Variants in E2F5 observed in about 807,000 individuals in gnomAD.
E2F5 encodes the protein transcription factor E2F5.
In E2F5, 23 loss-of-function variants were observed where a neutral mutation model predicts 39.1. That is an observed-to-expected ratio of 0.59 (90% confidence interval 0.42 to 0.83). E2F5 has a LOEUF of 0.83. Ranked by LOEUF, E2F5 falls within the 40% of genes least tolerant of loss-of-function variation. E2F5 has a pLI of 0.00. For missense variants in E2F5, 365 were observed against 406.7 expected (o/e 0.90, Z 0.88); for synonymous variants, 145 against 157.8 (o/e 0.92, Z 0.61).
chr8:85,180,905 T>A (rs1235177880), intron 1 of E2F5, among the ~76,000 whole-genome samples: 2 of 149,352 alleles, frequency 1.3e-5, no homozygotes, highest in East Asian at 2.0e-4. Context: ...TGAGACAGGG[T>A]CTTATTCTGT....
intron 6 of E2F5, 30 bp downstream of exon 6, chr8:85,209,439 A>G: frequency 1.3e-6 from 2 of 1,555,076 alleles, no homozygotes; most frequent in East Asian, 4.7e-5. Flanking sequence ...TTTGTAAATT[A>G]GAGAGGGAGA....
chr8:85,203,574 T>C (rs897751572), intron 3 of E2F5, among the ~76,000 whole-genome samples: 1 of 151,854 alleles, frequency 6.6e-6, no homozygotes, highest in African/African-American at 2.4e-5. Context: ...TTAGAAGCCA[T>C]TGTTAAGTAC....
chr8:85,177,809 G>C (rs1489574137), intron 1 of E2F5, 155 bp downstream of exon 1: 9 of 1,137,430 alleles, frequency 7.9e-6, no homozygotes, highest in Non-Finnish European at 8.6e-6. Context: ...CTGCGCCCGG[G>C]TCGTGGACGC....
chr8:85,213,031 G>C (rs905557273), intron 7 of E2F5: 2 of 151,614 alleles, frequency 1.3e-5, no homozygotes, highest in African/African-American at 2.4e-5. Context: ...CCGAGTAGCT[G>C]GGATGACAGG....
At chr8:85,177,900 C>T (rs1019319886) in intron 1 of E2F5, 1 of 536,946 alleles carries the variant, frequency 1.9e-6, no homozygotes, top group Non-Finnish European at 2.5e-6. Context: ...GCTGGGCTCT[C>T]GACAAAGAGC....
At chr8:85,184,445 A>C (rs1019479331) in intron 1 of E2F5, among the ~76,000 whole-genome samples, 4 of 152,268 alleles carry the variant, frequency 2.6e-5, no homozygotes, top group Non-Finnish European at 5.9e-5. Flanking sequence ...ATTCCCTTCG[A>C]AAACCAGTAT....
chr8:85,195,590 A>G (rs1452023987), intron 1 of E2F5, among the ~76,000 whole-genome samples: 1 of 151,916 alleles, frequency 6.6e-6, no homozygotes, highest in Non-Finnish European at 1.5e-5. Context: ...CCTGGGTTCT[A>G]GTGATTCTTC....
At chr8:85,203,024 T>C (rs997244089) in intron 2 of E2F5, 70 bp from the exon 3 acceptor site, 1 of 1,150,984 alleles carries the variant, frequency 8.7e-7, no homozygotes, top group Non-Finnish European at 1.1e-6. Context: ...GTCAGTTTTA[T>C]TACAGTAAAA....
At chr8:85,211,843 TTGCCC>T (rs750478256) in intron 6 of E2F5, among the ~76,000 whole-genome samples, 18 of 152,032 alleles carry the variant, frequency 1.2e-4, no homozygotes, top group Non-Finnish European at 1.3e-4. Flanking sequence ...TTTCACTATG[TTGCCC>T]AGGCTGGTCT....
intron 5 of E2F5, 53 bp downstream of exon 5, chr8:85,207,542 CAAG>C (rs1812824789): frequency 2.0e-5 from 28 of 1,417,652 alleles, no homozygotes; most frequent in Non-Finnish European, 2.5e-5. Context: ...TCTACTGTCT[CAAG>C]AAGGATATTT....
At chr8:85,203,704 A>T (rs1392546609) in intron 3 of E2F5, among the ~76,000 whole-genome samples, 5 of 151,572 alleles carry the variant, frequency 3.3e-5, no homozygotes, top group Non-Finnish European at 7.4e-5. Context: ...AATCCTTGAT[A>T]CTTTCTGCCT....
chr8:85,203,383 A>G, intron 3 of E2F5, 128 bp downstream of exon 3: 2 of 632,224 alleles, frequency 3.2e-6, no homozygotes, highest in Non-Finnish European at 4.6e-6. Flanking sequence ...TGACATTTTA[A>G]TTTTATTATA....
chr8:85,211,268 C>T (rs772106875), intron 6 of E2F5, among the ~76,000 whole-genome samples: 5 of 149,934 alleles, frequency 3.3e-5, no homozygotes, highest in African/African-American at 9.9e-5. Context: ...GGCATTGTGA[C>T]GTGTGCCTGT....
intron 1 of E2F5, among the ~76,000 whole-genome samples, chr8:85,195,772 GGCATGAGCCACT>G (rs758074843): frequency 6.6e-6 from 1 of 152,112 alleles, no homozygotes; most frequent in Non-Finnish European, 1.5e-5. Context: ...TAGGATTACA[GGCATGAGCCACT>G]GCATCGGCCA....
chr8:85,197,794 T>C (rs1453801328), intron 1 of E2F5, among the ~76,000 whole-genome samples: 2 of 152,170 alleles, frequency 1.3e-5, no homozygotes, highest in African/African-American at 4.8e-5. Context: ...CAAGCATGGG[T>C]TGGGAATGGT....
Position 85,177,489 on chromosome 8 carries a change from G to C in E2F5, c.69G>C (p.Pro23=), listed in dbSNP as rs1336399874. ...CAGGGCAGGGGCAGGGCCAGCGGCC[G>C]CCGCCGCAGCCTCCGCAGGCGCAAG... ...APAGQGQGQR[P]PPQPPQAQAP... Residue 23 remains proline, a synonymous_variant, in exon 1 of 8, where the codon CCG becomes CCC. Coordinates refer to ENST00000416274, the MANE Select transcript of E2F5 (RefSeq NM_001951.4). The C allele has an allele frequency of 2.9e-6, 3 of 1,041,194 alleles. No homozygotes were observed. The allele number at this position is 1,041,194 out of a possible 1,614,324, so 64.5% of individuals were successfully genotyped here.
At chr8:85,207,295 G>GA (rs1812819139) in intron 4 of E2F5, 130 bp from the exon 5 acceptor site, 4 of 665,298 alleles carry the variant, frequency 6.0e-6, no homozygotes, top group Non-Finnish European at 9.9e-6. Context: ...TTATAGAATT[G>GA]AAAATCAAAG....
intron 1 of E2F5, 50 bp downstream of exon 1, chr8:85,177,704 C>G (rs772790453): frequency 7.4e-6 from 9 of 1,215,842 alleles, no homozygotes; most frequent in Non-Finnish European, 8.2e-6. Flanking sequence ...CCGTGGCCCC[C>G]GGGGAAGCCC....
chr8:85,187,339 T>C (rs1423258604), intron 1 of E2F5, among the ~76,000 whole-genome samples: 1 of 152,148 alleles, frequency 6.6e-6, no homozygotes, highest in Non-Finnish European at 1.5e-5. Flanking sequence ...AATTTGATAT[T>C]TTCTTATTTA....
Sources: allele counts gnomAD v4.1 joint callset (sites outside exome capture counted in the v4.1 genomes callset), GRCh38; gene constraint gnomAD v4.1.1; transcripts MANE v1.5; gene names NCBI Gene and HGNC (gene_info 2026-07-23, HGNC 2026-07-21).